Variants in DPP6 observed in about 807,000 individuals in gnomAD.
DPP6 encodes dipeptidyl peptidase like 6.
DPP6 carries 69 observed loss-of-function variants against 122.6 expected under a neutral mutation model. The ratio of observed to expected loss-of-function variants is 0.56; its 90% CI spans 0.46 to 0.69. DPP6 has a LOEUF of 0.69. DPP6 is among the 30% of genes least tolerant of loss of function. DPP6 has a pLI of 0.00. For missense variants in DPP6, 928 were observed against 1,116.9 expected (o/e 0.83, Z 2.41); for synonymous variants, 418 against 433.1 (o/e 0.97, Z 0.43).
intron 7 of DPP6, among the ~76,000 whole-genome samples, chr7:154,686,098 A>C (rs1839581877): frequency 2.1e-4 from 1 of 4,804 alleles, no homozygotes; most frequent in East Asian, 0.083. Flanking sequence ...CATGCTAGGC[A>C]CTCAGTGTAT....
chr7:154,531,635 CA>C (rs921761448), intron 3 of DPP6, among the ~76,000 whole-genome samples: 2 of 152,078 alleles, frequency 1.3e-5, no homozygotes, highest in African/African-American at 4.8e-5. Flanking sequence ...ATGCAAAAGA[CA>C]TTTTTTTCTT....
chr7:154,698,176 A>T (rs1309269350), intron 7 of DPP6, among the ~76,000 whole-genome samples: 1 of 152,208 alleles, frequency 6.6e-6, no homozygotes, highest in Admixed American at 6.5e-5. Flanking sequence ...CTTTTGATAC[A>T]ATTAGCATTG....
chr7:154,662,411 C>T (rs1163038583), intron 6 of DPP6, among the ~76,000 whole-genome samples: 5 of 129,750 alleles, frequency 3.9e-5, no homozygotes, highest in African/African-American at 1.4e-4. Context: ...TGTGAATCAC[C>T]ATGGCGTATC....
Position 154,892,479 on chromosome 7 carries a change from A to T in DPP6, c.2597A>T (p.Ter866LeuextTer168). The change falls in exon 26 of 26, where the codon TAA (stop) becomes TTA (leucine). Residue 866 changes from the stop codon to leucine (L), a stop_lost. Coordinates refer to ENST00000377770, the MANE Select transcript of DPP6 (RefSeq NM_130797.4). ...VTAKEDEEED* is the reference protein window; with the variant it reads ...VTAKEDEEEDL ...GCGAAAGAGGACGAGGAGGAGGACTAAGCTCAGGTCGCTCTAAGCACAAAC... is the reference window on the plus strand; with the variant it reads ...GCGAAAGAGGACGAGGAGGAGGACTTAGCTCAGGTCGCTCTAAGCACAAAC... 6.2e-7 allele frequency: 1 copy of T among 1,613,968 alleles called. No homozygotes were observed. Among genetic ancestry groups the T allele is most frequent in the Non-Finnish European group, 8.5e-7 (1 of 1,179,878 alleles).
At chr7:154,598,791 G>A (rs1833252168) in intron 5 of DPP6, among the ~76,000 whole-genome samples, 1 of 152,170 alleles carries the variant, frequency 6.6e-6, no homozygotes, top group South Asian at 2.1e-4. Context: ...GCTCAGAGAG[G>A]TTTATAGCAT....
chr7:154,164,190 G>A (rs1797122004), intron 1 of DPP6, among the ~76,000 whole-genome samples: 1 of 151,020 alleles, frequency 6.6e-6, no homozygotes, highest in Non-Finnish European at 1.5e-5. Flanking sequence ...TCCCTGCCCT[G>A]CCCTGCCCTG....
intron 1 of DPP6, among the ~76,000 whole-genome samples, chr7:154,158,381 C>G (rs1180379717): frequency 6.6e-6 from 1 of 151,620 alleles, no homozygotes; most frequent in Middle Eastern, 3.4e-3. Flanking sequence ...GGTTTCCTAA[C>G]CTTTATTTTT....
intron 1 of DPP6, among the ~76,000 whole-genome samples, chr7:154,253,829 G>A (rs1276868619): frequency 1.3e-5 from 2 of 152,192 alleles, no homozygotes; most frequent in African/African-American, 2.4e-5. Flanking sequence ...AGATCCACAG[G>A]CTTAACAGGA....
At chr7:154,107,384 C>T (rs1022872255) in intron 1 of DPP6, among the ~76,000 whole-genome samples, 18 of 152,000 alleles carry the variant, frequency 1.2e-4, no homozygotes, top group African/African-American at 3.1e-4. Flanking sequence ...CTTAAAAAGT[C>T]AAAATTACAG....
intron 12 of DPP6, 146 bp from the exon 13 acceptor site, chr7:154,801,209 G>C: frequency 8.9e-7 from 1 of 1,119,774 alleles, no homozygotes; most frequent in Non-Finnish European, 1.2e-6. Flanking sequence ...GAAAGTGACG[G>C]CCTCATCAAG....
intron 1 of DPP6, among the ~76,000 whole-genome samples, chr7:154,024,984 C>G (rs1230538994): frequency 6.6e-6 from 1 of 152,170 alleles, no homozygotes; most frequent in Non-Finnish European, 1.5e-5. Flanking sequence ...CCTTGCATGT[C>G]TTATATTCTC....
chr7:154,368,455 T>G (rs998630102), intron 1 of DPP6, among the ~76,000 whole-genome samples: 1 of 152,354 alleles, frequency 6.6e-6, no homozygotes, highest in African/African-American at 2.4e-5. Context: ...CTTTTCCTGT[T>G]TGCTTTGAGA....
At chr7:153,855,270 T>C in the DPP6 span, among the ~76,000 whole-genome samples, 6 of 145,148 alleles carry the variant, frequency 4.1e-5, no homozygotes, top group South Asian at 1.2e-3. Context: ...ATAATACCTA[T>C]AAAAAAAATA....
At chr7:154,445,131 G>A (rs1033121259) in intron 1 of DPP6, among the ~76,000 whole-genome samples, 1 of 152,114 alleles carries the variant, frequency 6.6e-6, no homozygotes, top group Non-Finnish European at 1.5e-5. Context: ...AATCTTTGAT[G>A]AAAATATATT....
At chr7:153,948,326 A>G (rs76859727) in intron 1 of DPP6, among the ~76,000 whole-genome samples, 4,586 of 152,284 alleles carry the variant, frequency 0.03, 243 homozygotes, top group African/African-American at 0.1. Context: ...TGGAAAATGA[A>G]GCATTGTTAT....
chr7:154,382,497 C>T (rs889304634), intron 1 of DPP6, among the ~76,000 whole-genome samples: 6 of 152,214 alleles, frequency 3.9e-5, no homozygotes, highest in Admixed American at 1.3e-4. Flanking sequence ...AATTTTTATT[C>T]TTTCAAGTTC....
At chr7:154,060,725 G>GC (rs1801691564) in intron 1 of DPP6, among the ~76,000 whole-genome samples, 1 of 139,360 alleles carries the variant, frequency 7.2e-6, no homozygotes. Context: ...AGGGGGGGAG[G>GC]CACCCCCCGC....
chr7:154,466,102 G>A (rs1282341451), intron 2 of DPP6, among the ~76,000 whole-genome samples: 1 of 152,008 alleles, frequency 6.6e-6, no homozygotes, highest in Non-Finnish European at 1.5e-5. Flanking sequence ...AACTAACACA[G>A]GAACAAGAAA....
the DPP6 span, among the ~76,000 whole-genome samples, chr7:153,797,941 A>C: frequency 6.6e-6 from 1 of 152,042 alleles, no homozygotes; most frequent in Non-Finnish European, 1.5e-5. Flanking sequence ...TTCTGGGTTC[A>C]CGCCATTCTC....
Sources: gnomAD v4.1 joint callset for allele counts (sites outside exome capture counted in the v4.1 genomes callset) on GRCh38, gnomAD v4.1.1 for gene constraint, MANE v1.5 for transcripts, NCBI Gene and HGNC (gene_info 2026-07-23, HGNC 2026-07-21) for gene names.